MAD1L1: variants seen among roughly 807,000 people sequenced by gnomAD.
The protein encoded by MAD1L1 is mitotic arrest deficient 1 like 1.
In MAD1L1, 95 loss-of-function variants were observed where a neutral mutation model predicts 96.9. That is an observed-to-expected ratio of 0.98 (90% CI 0.83 to 1.16). The LOEUF (loss-of-function observed/expected upper bound fraction) is 1.16. MAD1L1 is among the 50% of genes most tolerant of loss of function. The pLI, the probability that MAD1L1 is intolerant of heterozygous loss-of-function variation, is 0.00. For missense variants in MAD1L1, 1,007 were observed against 954.4 expected, an observed-to-expected ratio of 1.06 and a Z score of -0.73; for synonymous variants, 473 against 396.6, an observed-to-expected ratio of 1.19 and a Z score of -2.29.
intron 11 of MAD1L1, among the ~76,000 whole-genome samples, chr7:2,081,100 C>T (rs1006391281): frequency 4.6e-5 from 7 of 151,744 alleles, no homozygotes; most frequent in Non-Finnish European, 1.0e-4. Context: ...GGAGCCAGGC[C>T]AGGAACCAAG....
intron 15 of MAD1L1, among the ~76,000 whole-genome samples, chr7:1,966,585 ATCCCTAGAGATTCAAGAAGCTGAGC>A (rs1780177991): frequency 7.3e-6 from 1 of 137,632 alleles, no homozygotes; most frequent in African/African-American, 2.7e-5. Context: ...AACAAAAAAA[ATCCCTAGAGATTCAAGAAGCTGAGC>A]AAACTCCAAA....
intron 14 of MAD1L1, among the ~76,000 whole-genome samples, chr7:2,001,702 A>G (rs1047780601): frequency 6.6e-6 from 1 of 152,256 alleles, no homozygotes; most frequent in Non-Finnish European, 1.5e-5. Context: ...TGGTCGGGAC[A>G]GGGGTCCATG....
At chr7:2,040,632 T>A (rs1783632402) in intron 12 of MAD1L1, among the ~76,000 whole-genome samples, 1 of 152,248 alleles carries the variant, frequency 6.6e-6, no homozygotes, top group African/African-American at 2.4e-5. Context: ...CCTAGTCCTT[T>A]GCTGGGGAGC....
Position 2,222,587 on chromosome 7 carries a change from G to C in MAD1L1, c.459C>G (p.Ala153=), listed in dbSNP as rs780638041. 2 of 1,607,598 alleles carry C rather than the reference G, an allele frequency of 1.2e-6. No individual in the cohort carries two copies. The change falls in exon 5 of 19, where the codon GCC becomes GCG. Residue 153 remains alanine (A), a synonymous_variant. Coordinates refer to ENST00000265854, the MANE Select transcript of MAD1L1 (RefSeq NM_001013836.2). ...KRLREKEDSL[A]QAGETINALK... ...AGGCCCCGCTCACCTCGCCAGCCTG[G>C]GCCAGACTGTCCTCTTTCTCACGCA...
chr7:2,190,834 A>T (rs1186150433), intron 10 of MAD1L1, among the ~76,000 whole-genome samples: 1 of 152,146 alleles, frequency 6.6e-6, no homozygotes, highest in African/African-American at 2.4e-5. Flanking sequence ...GAATTCAATG[A>T]AAGAGCTCGG....
intron 11 of MAD1L1, among the ~76,000 whole-genome samples, chr7:2,115,998 T>C (rs1352135916): frequency 6.6e-6 from 1 of 152,114 alleles, no homozygotes; most frequent in Admixed American, 6.5e-5. Flanking sequence ...TAAGGCTCAG[T>C]GGGAATGGGG....
chr7:1,879,749 G>C (rs1785578464), intron 18 of MAD1L1, among the ~76,000 whole-genome samples: 1 of 152,120 alleles, frequency 6.6e-6, no homozygotes, highest in African/African-American at 2.4e-5. Context: ...ATTTTCTTTT[G>C]AGACGGAGTC....
chr7:2,193,036 T>A (rs10257990), intron 10 of MAD1L1, among the ~76,000 whole-genome samples: 1 of 152,192 alleles, frequency 6.6e-6, no homozygotes, highest in East Asian at 1.9e-4. Flanking sequence ...CAGTGGTTCA[T>A]GTTTTTGATG....
chr7:2,106,741 G>A (rs1584336424), intron 11 of MAD1L1, among the ~76,000 whole-genome samples: 3 of 152,226 alleles, frequency 2.0e-5, no homozygotes, highest in African/African-American at 7.2e-5. Flanking sequence ...CCTGAGAGAG[G>A]AAAGTCACCA....
intron 18 of MAD1L1, among the ~76,000 whole-genome samples, chr7:1,827,498 TCCC>T (rs1782467574): frequency 3.4e-5 from 4 of 118,276 alleles, no homozygotes; most frequent in Non-Finnish European, 5.4e-5. Context: ...CCTGAGCCCG[TCCC>T]GGGTGTGGGG....
intron 17 of MAD1L1, among the ~76,000 whole-genome samples, chr7:1,932,911 C>T (rs983899571): frequency 3.9e-5 from 6 of 152,222 alleles, no homozygotes; most frequent in Admixed American, 6.5e-5. Flanking sequence ...ACTTTCTCAA[C>T]GTTACTTTAC....
intron 18 of MAD1L1, among the ~76,000 whole-genome samples, chr7:1,885,038 G>T (rs142409065): frequency 2.0e-5 from 3 of 152,324 alleles, no homozygotes; most frequent in African/African-American, 7.2e-5. Flanking sequence ...CATGTGAATG[G>T]TGAGCACACT....
chr7:2,178,316 G>A (rs959466795), intron 10 of MAD1L1, among the ~76,000 whole-genome samples: 6 of 152,086 alleles, frequency 3.9e-5, no homozygotes, highest in African/African-American at 9.7e-5. Flanking sequence ...CCTTTTTAAC[G>A]TGATAGAATT....
chr7:1,929,582 G>A (rs899615202), intron 17 of MAD1L1, among the ~76,000 whole-genome samples: 1 of 152,060 alleles, frequency 6.6e-6, no homozygotes, highest in Non-Finnish European at 1.5e-5. Context: ...ATCCCCGAGA[G>A]CAGGGGCCTC....
Position 2,179,983 on chromosome 7 carries a change from G to A in MAD1L1, c.987-30745C>T, listed in dbSNP as rs113562596. ...CAAAACTCCGTCTCAAAAAAAAAAA[G>A]AAAAGAAAAGAAAGAAAGTCCTGTC... On this transcript the variant is annotated intron_variant, in intron 10 of 18. Transcript: ENST00000265854. 6.6e-3 allele frequency among the ~76,000 whole-genome samples: 535 copies of A among 81,196 alleles called. 5 individuals carry two copies. Among genetic ancestry groups the A allele is most frequent in the African/African-American group, 0.024 (321 of 13,558 alleles). 53.3% of individuals were successfully genotyped at this position (81,196 alleles called of 152,430 possible). A position where few individuals can be genotyped will look rare whatever the true frequency, so the allele number is the denominator to read the frequency against.
At position 2,069,408 on chromosome 7, in the gene MAD1L1, C is replaced by G. The variant is rs1785024793; in HGVS notation, c.1074-70G>C. On this transcript the variant is annotated intron_variant, in intron 11 of 18. Transcript: ENST00000265854. ...ACCACCCCACCAAGCCCCGCCCCAC[C>G]CCAGGAACGAGCCCACCAGGACATC... The G allele has an allele frequency of 2.8e-6, 4 of 1,419,724 alleles. No homozygotes were observed. The East Asian group carries it at 1.0e-4, about 37-fold the overall frequency. The allele number at this position is 1,419,724 out of a possible 1,614,324, so 87.9% of individuals were successfully genotyped here.
chr7:1,944,802 G>A (rs563127890), intron 16 of MAD1L1, among the ~76,000 whole-genome samples: 53 of 152,300 alleles, frequency 3.5e-4, no homozygotes, highest in South Asian at 2.9e-3. Flanking sequence ...ACCAGGTGAC[G>A]TCAGGGTGTG....
chr7:1,889,390 C>G (rs770357008), intron 18 of MAD1L1, among the ~76,000 whole-genome samples: 1 of 152,206 alleles, frequency 6.6e-6, no homozygotes, highest in Non-Finnish European at 1.5e-5. Flanking sequence ...CACGGGCACT[C>G]TTGCCATTTC....
intron 14 of MAD1L1, among the ~76,000 whole-genome samples, chr7:1,989,526 A>G (rs1351514911): frequency 1.3e-5 from 2 of 152,246 alleles, no homozygotes; most frequent in African/African-American, 4.8e-5. Flanking sequence ...ACCCTGGAAG[A>G]CGGAGCTCGC....
Sources: gnomAD v4.1 joint callset for allele counts (sites outside exome capture counted in the v4.1 genomes callset) on GRCh38, gnomAD v4.1.1 for gene constraint, MANE v1.5 for transcripts, NCBI Gene and HGNC (gene_info 2026-07-23, HGNC 2026-07-21) for gene names.